PTPRG: variants seen among roughly 807,000 people sequenced by gnomAD.
The protein encoded by PTPRG is protein tyrosine phosphatase receptor type G.
A neutral mutation model predicts 165.3 loss-of-function variants in PTPRG; 102 were observed. The ratio of observed to expected loss-of-function variants is 0.62; its 90% CI spans 0.53 to 0.73. The LOEUF is 0.73. PTPRG is among the 30% of genes least tolerant of loss of function. PTPRG has a pLI of 0.00. For missense variants in PTPRG, 1,866 were observed against 1,861.4 expected (o/e 1.00, Z -0.05); for synonymous variants, 675 against 669.5 (o/e 1.01, Z -0.13).
At chr3:61,675,823 A>AT (rs1225808724) in intron 1 of PTPRG, among the ~76,000 whole-genome samples, 1 of 151,956 alleles carries the variant, frequency 6.6e-6, no homozygotes, top group East Asian at 1.9e-4. Flanking sequence ...TCTTTCCTAA[A>AT]TTTTTTTAAA....
At chr3:62,040,420 A>G (rs1700089112) in intron 4 of PTPRG, among the ~76,000 whole-genome samples, 1 of 152,170 alleles carries the variant, frequency 6.6e-6, no homozygotes. Context: ...GAAAATTTCG[A>G]CTGTCTTCAA....
chr3:62,170,987 A>C (rs1168669099), intron 8 of PTPRG, among the ~76,000 whole-genome samples: 1 of 152,140 alleles, frequency 6.6e-6, no homozygotes, highest in Non-Finnish European at 1.5e-5. Flanking sequence ...AAATTCACTT[A>C]GCCTGTTTAA....
chr3:62,056,971 G>C (rs1025756269), intron 4 of PTPRG, among the ~76,000 whole-genome samples: 3 of 152,154 alleles, frequency 2.0e-5, no homozygotes, highest in Non-Finnish European at 4.4e-5. Context: ...TATGCATGCT[G>C]TCTGCATAAC....
At chr3:61,665,351 A>C (rs530582660) in intron 1 of PTPRG, among the ~76,000 whole-genome samples, 4 of 152,112 alleles carry the variant, frequency 2.6e-5, no homozygotes, top group Non-Finnish European at 4.4e-5. Flanking sequence ...ATTTGAGTCA[A>C]TGATTTTTTT....
intron 2 of PTPRG, among the ~76,000 whole-genome samples, chr3:61,861,961 T>C (rs997363837): frequency 1.3e-5 from 2 of 152,074 alleles, no homozygotes; most frequent in Non-Finnish European, 2.9e-5. Flanking sequence ...GAGGTGAAAA[T>C]GGTAAACATT....
intron 1 of PTPRG, among the ~76,000 whole-genome samples, chr3:61,701,325 A>G (rs2030944431): frequency 6.6e-6 from 1 of 152,130 alleles, no homozygotes; most frequent in South Asian, 2.1e-4. Flanking sequence ...CAACTCCTCA[A>G]TATCATGTTG....
At chr3:61,938,574 G>A (rs1267710448) in intron 2 of PTPRG, among the ~76,000 whole-genome samples, 1 of 152,188 alleles carries the variant, frequency 6.6e-6, no homozygotes, top group Non-Finnish European at 1.5e-5. Flanking sequence ...ACGTGTAAGT[G>A]TTCCGCTTAT....
In PTPRG at chr3:61,859,283, T is replaced by C. The variant is rs367775888; in HGVS notation, c.190+110301T>C. 2.4e-4 allele frequency among the ~76,000 whole-genome samples: 36 copies of C among 152,324 alleles called. 2 individuals carry two copies. The highest frequency in any genetic ancestry group is 8.4e-4 in the African/African-American group (35 of 41,580). ...TTAGATATGAAAGACCTTAGGTTAT[T>C]TTCTTTCTTTAATCCATAAAATGAT... On this transcript the variant is annotated intron_variant, in intron 2 of 29. Coordinates refer to ENST00000474889, the MANE Select transcript of PTPRG (RefSeq NM_002841.4).
At chr3:62,063,980 A>G (rs1025449853) in intron 4 of PTPRG, among the ~76,000 whole-genome samples, 2 of 152,200 alleles carry the variant, frequency 1.3e-5, no homozygotes, top group African/African-American at 2.4e-5. Context: ...TGATGGATGC[A>G]TTCCTTTAGA....
intron 1 of PTPRG, among the ~76,000 whole-genome samples, chr3:61,723,712 A>C (rs1459440160): frequency 5.3e-5 from 8 of 152,162 alleles, no homozygotes; most frequent in Admixed American, 3.9e-4. Flanking sequence ...ATTACAGTAC[A>C]ATATCAAAAC....
At chr3:61,731,550 T>C (rs1251856739) in intron 1 of PTPRG, among the ~76,000 whole-genome samples, 2 of 152,002 alleles carry the variant, frequency 1.3e-5, no homozygotes, top group Non-Finnish European at 1.5e-5. Flanking sequence ...GGTTTCACCA[T>C]GTTGGCCAGA....
chr3:61,863,945 C>T (rs1445969904), intron 2 of PTPRG, among the ~76,000 whole-genome samples: 2 of 152,176 alleles, frequency 1.3e-5, no homozygotes, highest in Non-Finnish European at 2.9e-5. Context: ...GAACAAGTTA[C>T]CCAAGGTTAA....
chr3:62,288,140 TAA>T (rs374405748), intron 28 of PTPRG, among the ~76,000 whole-genome samples: 13 of 113,620 alleles, frequency 1.1e-4, no homozygotes, highest in Admixed American at 2.7e-4. Context: ...AAACTGTACT[TAA>T]AAAAAAAAAA....
At chr3:61,727,042 G>A (rs2032292004) in intron 1 of PTPRG, among the ~76,000 whole-genome samples, 1 of 127,706 alleles carries the variant, frequency 7.8e-6, no homozygotes, top group Non-Finnish European at 1.6e-5. Flanking sequence ...GTGAGACTCC[G>A]TCTCAAAAAA....
chr3:62,270,276 C>T (rs1222314665), intron 20 of PTPRG, among the ~76,000 whole-genome samples: 1 of 151,978 alleles, frequency 6.6e-6, no homozygotes, highest in Non-Finnish European at 1.5e-5. Flanking sequence ...CACTTACTCA[C>T]ATTTTTATGT....
At chr3:61,844,351 C>T (rs1016772441) in intron 2 of PTPRG, among the ~76,000 whole-genome samples, 1 of 152,124 alleles carries the variant, frequency 6.6e-6, no homozygotes, top group African/African-American at 2.4e-5. Flanking sequence ...ATACAGGATG[C>T]CCACTTAAAT....
chr3:62,128,379 A>G (rs1051061402), intron 5 of PTPRG, among the ~76,000 whole-genome samples: 13 of 152,192 alleles, frequency 8.5e-5, no homozygotes, highest in African/African-American at 2.9e-4. Context: ...AAGGAACAGC[A>G]TATTACAAAA....
At chr3:62,289,105 T>G (rs1237430950) in intron 28 of PTPRG, among the ~76,000 whole-genome samples, 1 of 152,190 alleles carries the variant, frequency 6.6e-6, no homozygotes, top group Admixed American at 6.5e-5. Context: ...TCAGCTCAAT[T>G]TTAAACTCTA....
chr3:61,894,772 G>A (rs140139877), intron 2 of PTPRG, among the ~76,000 whole-genome samples: 34 of 152,242 alleles, frequency 2.2e-4, no homozygotes, highest in African/African-American at 7.5e-4. Flanking sequence ...AAGATCAAGG[G>A]AGTAACAGCT....
Sources: allele counts gnomAD v4.1 joint callset (sites outside exome capture counted in the v4.1 genomes callset), GRCh38; gene constraint gnomAD v4.1.1; transcripts MANE v1.5; gene names NCBI Gene and HGNC (gene_info 2026-07-23, HGNC 2026-07-21).